The following SDK1 variants were observed in gnomAD, a reference collection of about 807,000 sequenced individuals.
SDK1 encodes protein sidekick-1.
In SDK1, 157 loss-of-function variants were observed where a neutral mutation model predicts 245.5. That is an observed-to-expected ratio of 0.64 (90% CI 0.56 to 0.73). SDK1 has a LOEUF of 0.73. Ranked by LOEUF, SDK1 falls within the 30% of genes least tolerant of loss-of-function variation. SDK1 has a pLI of 0.00. For missense variants in SDK1, 3,583 were observed against 3,002.3 expected, an observed-to-expected ratio of 1.19 and a Z score of -4.52; for synonymous variants, 1,647 against 1,278.5, an observed-to-expected ratio of 1.29 and a Z score of -6.15.
Position 3,625,844 on chromosome 7 carries a change from C to A in SDK1, c.458+6605C>A, listed in dbSNP as rs187478423. 6.6e-3 allele frequency among the ~76,000 whole-genome samples: 1,000 copies of A among 152,198 alleles called. 11 individuals are homozygous for A. The highest frequency in any genetic ancestry group is 0.023 in the African/African-American group (964 of 41,524). ...TGAGGCAAAGTGATGCCAGCTGCGC[C>A]ACCATAAAGCTACTCAGGGCTGCCT... is the stretch of plus-strand genomic sequence containing the variant. On this transcript the variant is annotated intron_variant, in intron 2 of 44. Coordinates refer to ENST00000404826, the MANE Select transcript of SDK1 (RefSeq NM_152744.4).
At chr7:3,693,937 G>T (rs926954492) in intron 4 of SDK1, among the ~76,000 whole-genome samples, 3 of 152,132 alleles carry the variant, frequency 2.0e-5, no homozygotes, top group Non-Finnish European at 4.4e-5. Flanking sequence ...TCCATGCTCT[G>T]ACACTCAGCT....
chr7:3,907,401 C>T (rs775489975), intron 5 of SDK1, among the ~76,000 whole-genome samples: 5 of 152,080 alleles, frequency 3.3e-5, no homozygotes, highest in African/African-American at 7.2e-5. Context: ...TTTTACTTAC[C>T]GTAATGTTTG....
chr7:4,141,892 C>T (rs1779604816), intron 28 of SDK1, among the ~76,000 whole-genome samples: 2 of 151,902 alleles, frequency 1.3e-5, no homozygotes, highest in South Asian at 4.2e-4. Context: ...GAGCAGTTGG[C>T]ATTACAGGCA....
In SDK1 at chr7:3,860,131, AG is replaced by A. The variant is rs1055567500; in HGVS notation, c.847+38550del. Among the ~76,000 whole-genome samples the A allele has an allele frequency of 1.4e-4, 22 of 152,208 alleles. 1 individual carries two copies. In the East Asian group the frequency reaches 3.3e-3, roughly 23 times the overall value. On this transcript the variant is annotated intron_variant, in intron 5 of 44. Coordinates refer to ENST00000404826, the MANE Select transcript of SDK1 (RefSeq NM_152744.4). ...GGGTCGGGGTTTCACCAAGTTAGCC[AG>A]GATGGTCTCACTCTCCTGACCTCGT...
At chr7:3,855,545 C>G (rs1219661181) in intron 5 of SDK1, among the ~76,000 whole-genome samples, 1 of 151,942 alleles carries the variant, frequency 6.6e-6, no homozygotes, top group Non-Finnish European at 1.5e-5. Context: ...CAACAGAAGA[C>G]TAGGAGAAAT....
At chr7:4,178,462 C>A in intron 34 of SDK1, 23 bp from the exon 35 acceptor site, 1 of 1,542,704 alleles carries the variant, frequency 6.5e-7, no homozygotes, top group South Asian at 1.1e-5. Flanking sequence ...GGAAGCTGAT[C>A]CATATTTCCT....
At chr7:3,698,378 C>T (rs976697654) in intron 4 of SDK1, among the ~76,000 whole-genome samples, 15 of 152,118 alleles carry the variant, frequency 9.9e-5, no homozygotes, top group African/African-American at 3.1e-4. Flanking sequence ...GCACCTGAGG[C>T]GCCTGAACTT....
intron 1 of SDK1, among the ~76,000 whole-genome samples, chr7:3,471,170 A>C (rs191758844): frequency 6.6e-6 from 1 of 152,154 alleles, no homozygotes; most frequent in Non-Finnish European, 1.5e-5. Flanking sequence ...GATTTTATGT[A>C]CAAGTGCTTG....
At chr7:4,076,192 G>A (rs1440089695) in intron 20 of SDK1, among the ~76,000 whole-genome samples, 1 of 152,226 alleles carries the variant, frequency 6.6e-6, no homozygotes, top group Non-Finnish European at 1.5e-5. Context: ...GGAAAAAGTA[G>A]AAGTGTTTCC....
chr7:4,119,494 T>C (rs539017425), intron 25 of SDK1, among the ~76,000 whole-genome samples: 1 of 148,554 alleles, frequency 6.7e-6, no homozygotes, highest in East Asian at 1.9e-4. Context: ...TTGTACACTT[T>C]GCGTATGGTT....
chr7:4,256,075 A>G (rs962072183), intron 44 of SDK1, among the ~76,000 whole-genome samples: 2 of 151,734 alleles, frequency 1.3e-5, no homozygotes, highest in Admixed American at 1.3e-4. Flanking sequence ...GTGCGCCACC[A>G]CACCCAGCTA....
intron 10 of SDK1, among the ~76,000 whole-genome samples, 185 bp downstream of exon 10, chr7:3,967,619 T>C (rs1782179677): frequency 6.6e-6 from 1 of 152,238 alleles, no homozygotes; most frequent in Admixed American, 6.5e-5. Context: ...TGGAAGAGAA[T>C]TTCTCCATGG....
chr7:3,863,554 G>A (rs924216549), intron 5 of SDK1, among the ~76,000 whole-genome samples: 5 of 152,090 alleles, frequency 3.3e-5, no homozygotes, highest in Admixed American at 2.0e-4. Context: ...AAACAGAAAC[G>A]CTGCACTCAT....
At chr7:3,729,422 TTC>T (rs911202889) in intron 4 of SDK1, among the ~76,000 whole-genome samples, 45 of 152,336 alleles carry the variant, frequency 3.0e-4, no homozygotes, top group African/African-American at 1.0e-3. Flanking sequence ...ACTTAACAAT[TTC>T]TGGAGACATT....
chr7:4,233,149 C>T (rs1328003560), intron 40 of SDK1, 106 bp from the exon 41 acceptor site: 7 of 1,062,074 alleles, frequency 6.6e-6, no homozygotes, highest in Non-Finnish European at 9.7e-6. Flanking sequence ...CCCCTGATGC[C>T]TCATCCAGGG....
chr7:3,328,046 AG>A (rs1326455905), intron 1 of SDK1, among the ~76,000 whole-genome samples: 2 of 152,148 alleles, frequency 1.3e-5, no homozygotes, highest in African/African-American at 4.8e-5. Context: ...GAGCATATTC[AG>A]AATAGAACTG....
At chr7:3,478,585 G>C (rs780114895) in intron 1 of SDK1, among the ~76,000 whole-genome samples, 1 of 151,846 alleles carries the variant, frequency 6.6e-6, no homozygotes, top group African/African-American at 2.4e-5. Context: ...TTTTGCATTT[G>C]TGTGGGCCTT....
chr7:3,709,640 A>G (rs1784984581), intron 4 of SDK1, among the ~76,000 whole-genome samples: 1 of 152,102 alleles, frequency 6.6e-6, no homozygotes, highest in African/African-American at 2.4e-5. Flanking sequence ...TCTGCAGACT[A>G]TTTTTTCTTT....
At chr7:4,213,663 C>T (rs1784627730) in intron 38 of SDK1, among the ~76,000 whole-genome samples, 1 of 152,058 alleles carries the variant, frequency 6.6e-6, no homozygotes, top group African/African-American at 2.4e-5. Context: ...CGCACAGGGG[C>T]CTCGATGTGT....
Sources: allele counts gnomAD v4.1 joint callset (sites outside exome capture counted in the v4.1 genomes callset), GRCh38; gene constraint gnomAD v4.1.1; transcripts MANE v1.5; gene names NCBI Gene and HGNC (gene_info 2026-07-23, HGNC 2026-07-21).